Variants in PGPEP1 observed in about 807,000 individuals in gnomAD.
PGPEP1 encodes pyroglutamyl-peptidase I.
Under a neutral mutation model 24.1 loss-of-function variants are expected in PGPEP1, and 15 were observed. The ratio of observed to expected loss-of-function variants is 0.62; its 90% confidence interval spans 0.42 to 0.96. PGPEP1 has a LOEUF of 0.96. PGPEP1 is among the 40% of genes least tolerant of loss of function. The pLI, the probability that PGPEP1 is intolerant of heterozygous loss-of-function variation, is 0.00. For missense variants in PGPEP1, 242 were observed against 273.4 expected, an observed-to-expected ratio of 0.89 and a Z score of 0.81; for synonymous variants, 122 against 116.4, an observed-to-expected ratio of 1.05 and a Z score of -0.31.
At chr19:18,363,033 T>TG (rs1971390850) in intron 4 of PGPEP1, among the ~76,000 whole-genome samples, 1 of 136,686 alleles carries the variant, frequency 7.3e-6, no homozygotes, top group African/African-American at 2.8e-5. Flanking sequence ...TTTTTTTTGT[T>TG]TGTGTGTGTG....
chr19:18,359,267 T>G (rs1971276309), intron 4 of PGPEP1, among the ~76,000 whole-genome samples: 1 of 152,038 alleles, frequency 6.6e-6, no homozygotes. Context: ...AATGCATGTG[T>G]TCCTTTCCTA....
chr19:18,357,261 G>A, intron 3 of PGPEP1, 122 bp from the exon 4 acceptor site: 1 of 671,866 alleles, frequency 1.5e-6, no homozygotes, highest in Non-Finnish European at 2.6e-6. Context: ...GCAGCAAGAG[G>A]TCAGAAACAA....
At chr19:18,356,777 G>A (rs1434449659) in intron 3 of PGPEP1, among the ~76,000 whole-genome samples, 4 of 150,808 alleles carry the variant, frequency 2.7e-5, no homozygotes, top group Non-Finnish European at 3.0e-5. Flanking sequence ...GGTGGCTCAC[G>A]CCTGTAATCT....
chr19:18,351,640 A>G (rs978157583), intron 2 of PGPEP1, among the ~76,000 whole-genome samples: 13 of 151,966 alleles, frequency 8.6e-5, no homozygotes, highest in Non-Finnish European at 1.3e-4. Context: ...AAAAAAAAAA[A>G]AAGAAGATAA....
At chr19:18,346,216 T>C (rs10403547) in intron 2 of PGPEP1, among the ~76,000 whole-genome samples, 35,711 of 151,976 alleles carry the variant, frequency 0.23, 4,735 homozygotes, top group Non-Finnish European at 0.27. Flanking sequence ...GCCACACCTC[T>C]GCGAGAACCG....
chr19:18,355,750 A>C (rs1971163380), intron 2 of PGPEP1, 145 bp from the exon 3 acceptor site: 4 of 589,224 alleles, frequency 6.8e-6, no homozygotes, highest in Non-Finnish European at 1.3e-5. Context: ...GAAGGAAATG[A>C]GGGGCTTTGA....
chr19:18,347,064 C>CT lies in PGPEP1; in HGVS notation c.87+4163dup, dbSNP rs887304980. Among the ~76,000 whole-genome samples, 405 of 147,320 alleles carry CT rather than the reference C, an allele frequency of 2.7e-3. 5 individuals are homozygous for CT. Among genetic ancestry groups the CT allele is most frequent in the Non-Finnish European group, 6.8e-4 (45 of 66,414 alleles). On this transcript the variant is annotated intron_variant, in intron 2 of 4. Transcript: ENST00000269919. ...TCTCCGTTTCTCTCTTTCTCGCTCT[C>CT]TTTTTTTTTTGAGACAGGGTCTCAC...
intron 2 of PGPEP1, 35 bp from the exon 3 acceptor site, chr19:18,355,860 T>A (rs1279155385): frequency 7.5e-7 from 1 of 1,341,238 alleles, no homozygotes; most frequent in Non-Finnish European, 1.1e-6. Context: ...AGCTGTCATC[T>A]GGGGCCATGA....
At chr19:18,357,127 A>T (rs1450396858) in intron 3 of PGPEP1, among the ~76,000 whole-genome samples, 1 of 152,248 alleles carries the variant, frequency 6.6e-6, no homozygotes, top group Non-Finnish European at 1.5e-5. Context: ...TGGCTAGTTA[A>T]CTTGTTTGCA....
chr19:18,346,640 T>C (rs1400479913), intron 2 of PGPEP1, among the ~76,000 whole-genome samples: 3 of 138,274 alleles, frequency 2.2e-5, no homozygotes, highest in Non-Finnish European at 4.8e-5. Context: ...TCTCTTTTTT[T>C]TTTTTTTTTT....
Position 18,369,850 on chromosome 19 carries a change from C to A in PGPEP1, c.*6267C>A, listed in dbSNP as rs1285743642. ...TTCTGAAACTCCTGTGTCCCGGGCC[C>A]CCCAGGCGGAGAAGGATATGCCGGA... On this transcript the variant is annotated 3_prime_UTR_variant, in exon 5 of 5. Coordinates refer to ENST00000269919, the MANE Select transcript of PGPEP1 (RefSeq NM_017712.4). 1 of 152,168 alleles carries A rather than the reference C, an allele frequency of 6.6e-6. No homozygotes were observed. The highest frequency in any genetic ancestry group is 1.5e-5 in the Non-Finnish European group (1 of 68,088). The allele number at this position is 152,168 out of a possible 1,614,324, so 9.4% of individuals were successfully genotyped here.
chr19:18,345,723 C>T (rs1345698342), intron 2 of PGPEP1, among the ~76,000 whole-genome samples: 1 of 105,586 alleles, frequency 9.5e-6, no homozygotes, highest in East Asian at 2.7e-4. Flanking sequence ...TAGACCCTAT[C>T]TCAAAAAAAA....
rs777043658 is a variant in PGPEP1 at position 18,363,456 on chromosome 19, A to T, written c.503A>T (p.His168Leu). 2 of 1,614,132 alleles carry T rather than the reference A, an allele frequency of 1.2e-6. No individual in the cohort carries two copies. Among genetic ancestry groups the T allele is most frequent in the Non-Finnish European group, 1.7e-6 (2 of 1,179,964 alleles). Residue 168 changes from histidine (H) to leucine (L), a missense_variant, in exon 5 of 5, where the codon CAC becomes CTC. Transcript: ENST00000269919. The part of the protein sequence containing the change: ...YQSHGRSAFV[H>L]VPPLGKPYNA... ...AGTCACGGTCGATCAGCCTTCGTCC[A>T]CGTGCCCCCACTGGGGAAGCCGTAC...
chr19:18,344,377 T>C (rs1052988499), intron 2 of PGPEP1, among the ~76,000 whole-genome samples: 5 of 152,136 alleles, frequency 3.3e-5, no homozygotes, highest in African/African-American at 9.7e-5. Flanking sequence ...TTTCTCGTTA[T>C]ATAAATCAGA....
Position 18,363,513 on chromosome 19 carries a change from C to T in PGPEP1, c.560C>T (p.Ala187Val), listed in dbSNP as rs1971417183. The change falls in exon 5 of 5, where the codon GCC becomes GTC. Residue 187 changes from alanine to valine, a missense_variant. Ala to Val is a moderately conservative substitution (Grantham distance 64, BLOSUM62 0). Transcript: ENST00000269919. ...GACCAGCTGGGCAGGGCACTGAGAG[C>T]CATCATTGAGGAGATGTTGGACCTC... ...NADQLGRALR[A>V]IIEEMLDLLE... 1.2e-6 allele frequency: 2 copies of T among 1,614,018 alleles called. No homozygotes were observed. Among genetic ancestry groups the T allele is most frequent in the Non-Finnish European group, 1.7e-6 (2 of 1,180,016 alleles).
chr19:18,360,814 C>T lies in PGPEP1; in HGVS notation c.438-2577C>T, dbSNP rs201781985. On this transcript the variant is annotated intron_variant, in intron 4 of 4. Coordinates refer to ENST00000269919, the MANE Select transcript of PGPEP1 (RefSeq NM_017712.4). Reference sequence around the variant, plus strand: ...TGCTGGGATTACAGGCATGAGCCACCGCGCCTGGCCTAATTTTATTTTATT... The same window carrying T: ...TGCTGGGATTACAGGCATGAGCCACTGCGCCTGGCCTAATTTTATTTTATT... Among the ~76,000 whole-genome samples the T allele has an allele frequency of 2.6e-4, 39 of 151,864 alleles. No homozygotes were observed. In the East Asian group the frequency reaches 6.4e-3, roughly 25 times the overall value.
chr19:18,363,567 A>G lies in PGPEP1; in HGVS notation c.614A>G (p.Tyr205Cys). 6.2e-7 allele frequency: 1 copy of G among 1,613,502 alleles called. No homozygotes were observed. ...GAGCAGTCAGAGGGCAAAATCAACTATTGCCACAAACACTGAGGGACGCTC... is the reference window on the plus strand; with the variant it reads ...GAGCAGTCAGAGGGCAAAATCAACTGTTGCCACAAACACTGAGGGACGCTC... ...LLEQSEGKINYCHKH is the reference protein window; with the variant it reads ...LLEQSEGKINCCHKH The change falls in exon 5 of 5, where the codon TAT becomes TGT. Residue 205 changes from tyrosine (Y) to cysteine (C), a missense_variant. Transcript: ENST00000269919.
intron 4 of PGPEP1, among the ~76,000 whole-genome samples, chr19:18,359,676 T>G (rs557478195): frequency 1.4e-4 from 22 of 152,240 alleles, no homozygotes; most frequent in African/African-American, 5.1e-4. Context: ...CCCAGCTAAC[T>G]TTTGTATTTT....
At chr19:18,351,278 A>C (rs1466511770) in intron 2 of PGPEP1, among the ~76,000 whole-genome samples, 1 of 151,802 alleles carries the variant, frequency 6.6e-6, no homozygotes, top group Non-Finnish European at 1.5e-5. Flanking sequence ...AAAACCAAAC[A>C]AAACTTTACT....
Sources: gnomAD v4.1 joint callset for allele counts (sites outside exome capture counted in the v4.1 genomes callset) on GRCh38, gnomAD v4.1.1 for gene constraint, MANE v1.5 for transcripts, NCBI Gene and HGNC (gene_info 2026-07-23, HGNC 2026-07-21) for gene names.